RABEP1: variants seen among roughly 807,000 people sequenced by gnomAD.
RABEP1 encodes the protein rabaptin, RAB GTPase binding effector protein 1.
A neutral mutation model predicts 123.4 loss-of-function variants in RABEP1; 51 were observed. The ratio of observed to expected loss-of-function variants is 0.41; its 90% CI spans 0.33 to 0.52. The LOEUF (loss-of-function observed/expected upper bound fraction) is 0.52. RABEP1 is among the 20% of genes least tolerant of loss of function. The pLI, the probability that RABEP1 is intolerant of heterozygous loss-of-function variation, is 0.16. For missense variants in RABEP1, 888 were observed against 996.3 expected (o/e 0.89, Z 1.46); for synonymous variants, 347 against 355.2 (o/e 0.98, Z 0.26).
chr17:5,343,944 G>A (rs1256029441), intron 5 of RABEP1, among the ~76,000 whole-genome samples: 1 of 151,844 alleles, frequency 6.6e-6, no homozygotes, highest in Non-Finnish European at 1.5e-5. Context: ...CCAAAGTGCT[G>A]GGATTACAGG....
chr17:5,302,730 G>A (rs2075146984), intron 1 of RABEP1, among the ~76,000 whole-genome samples: 1 of 149,602 alleles, frequency 6.7e-6, no homozygotes, highest in South Asian at 2.1e-4. Flanking sequence ...ATCTCACTCT[G>A]TTGCCCAGGC....
At chr17:5,331,848 T>C in intron 2 of RABEP1, 101 bp from the exon 3 acceptor site, 2 of 1,048,646 alleles carry the variant, frequency 1.9e-6, no homozygotes, top group South Asian at 3.2e-5. Context: ...GGGTGTCATT[T>C]TGTATGTTTA....
intron 2 of RABEP1, among the ~76,000 whole-genome samples, chr17:5,316,649 G>A (rs1350750041): frequency 4.0e-5 from 6 of 150,774 alleles, no homozygotes; most frequent in Non-Finnish European, 5.9e-5. Context: ...CCTGGCCATC[G>A]TGGTGAAACC....
intron 1 of RABEP1, among the ~76,000 whole-genome samples, chr17:5,307,969 G>A (rs1018659655): frequency 1.3e-5 from 2 of 152,138 alleles, no homozygotes; most frequent in Admixed American, 6.6e-5. Flanking sequence ...ACACTAGTTA[G>A]GGAACCTATT....
At chr17:5,307,055 A>G (rs1206826013) in intron 1 of RABEP1, among the ~76,000 whole-genome samples, 1 of 152,214 alleles carries the variant, frequency 6.6e-6, no homozygotes, top group African/African-American at 2.4e-5. Context: ...GCGGTGGCTT[A>G]TGCCTGTAAT....
At chr17:5,339,002 T>G (rs1415181086) in intron 5 of RABEP1, among the ~76,000 whole-genome samples, 1 of 151,812 alleles carries the variant, frequency 6.6e-6, no homozygotes, top group Admixed American at 6.6e-5. Context: ...TACAAAAATT[T>G]TTTAAAAAGC....
intron 2 of RABEP1, among the ~76,000 whole-genome samples, chr17:5,309,089 AC>A (rs1347471430): frequency 6.6e-6 from 1 of 152,208 alleles, no homozygotes; most frequent in Non-Finnish European, 1.5e-5. Context: ...ATTGCTCTTA[AC>A]ATTTGGGATA....
chr17:5,308,187 A>G (rs925048142), intron 1 of RABEP1, among the ~76,000 whole-genome samples: 2 of 151,192 alleles, frequency 1.3e-5, no homozygotes, highest in East Asian at 1.9e-4. Context: ...TTCACTTTAC[A>G]TGACTCATTT....
At chr17:5,285,682 A>G (rs1269385614) in intron 1 of RABEP1, among the ~76,000 whole-genome samples, 1 of 152,204 alleles carries the variant, frequency 6.6e-6, no homozygotes, top group Non-Finnish European at 1.5e-5. Flanking sequence ...ACTATTGAAT[A>G]TTACTGCTTC....
intron 1 of RABEP1, among the ~76,000 whole-genome samples, chr17:5,288,556 C>T (rs1029369201): frequency 1.3e-5 from 2 of 150,902 alleles, no homozygotes; most frequent in African/African-American, 2.4e-5. Context: ...CTGCCATGCT[C>T]GGCTAATTTT....
At position 5,314,935 on chromosome 17, in the gene RABEP1, T is replaced by C. The variant is rs12162105; in HGVS notation, c.163+6113T>C. Among the ~76,000 whole-genome samples, 1,129 of 152,320 alleles carry C rather than the reference T, an allele frequency of 7.4e-3. 67 individuals are homozygous for C. In the East Asian group the frequency reaches 0.14, roughly 19 times the overall value. On this transcript the variant is annotated intron_variant, in intron 2 of 17. Coordinates refer to ENST00000537505, the MANE Select transcript of RABEP1 (RefSeq NM_004703.6). ...TTATGTTTTGTGCTTTGGAAATTTG[T>C]AGTGTTGGCAATGAGTAAGAGACGG... is the stretch of plus-strand genomic sequence containing the variant.
chr17:5,344,385 C>T (rs141266100), intron 5 of RABEP1, among the ~76,000 whole-genome samples: 78 of 151,760 alleles, frequency 5.1e-4, no homozygotes, highest in African/African-American at 1.7e-3. Flanking sequence ...CTGCAGTGAG[C>T]GTAGGTTGTG....
chr17:5,386,305 T>A lies in RABEP1; in HGVS notation c.*3082T>A. ...GTAAAGTCACTCACTTTTGGAATTA[T>A]AATAAACCATTTATATGGATTCTTA... On this transcript the variant is annotated 3_prime_UTR_variant, in exon 18 of 18. Coordinates refer to ENST00000537505, the MANE Select transcript of RABEP1 (RefSeq NM_004703.6). 1 of 1,459,428 alleles carries A rather than the reference T, an allele frequency of 6.9e-7. No homozygotes were observed. Among genetic ancestry groups the A allele is most frequent in the East Asian group, 2.3e-5 (1 of 43,782 alleles). 90.4% of individuals were successfully genotyped at this position (1,459,428 alleles called of 1,614,324 possible).
At chr17:5,350,297 G>A (rs1042150760) in intron 6 of RABEP1, among the ~76,000 whole-genome samples, 154 bp from the exon 7 acceptor site, 4 of 151,972 alleles carry the variant, frequency 2.6e-5, no homozygotes, top group East Asian at 1.9e-4. Context: ...GGAGAATGGC[G>A]TGAACCCGGG....
intron 11 of RABEP1, among the ~76,000 whole-genome samples, chr17:5,367,459 CG>C: frequency 6.6e-6 from 1 of 151,506 alleles, no homozygotes; most frequent in East Asian, 2.0e-4. Context: ...TTAGTAGAGA[CG>C]GGGTTTCACC....
chr17:5,325,853 A>C (rs781128280), intron 2 of RABEP1, among the ~76,000 whole-genome samples: 10 of 152,208 alleles, frequency 6.6e-5, no homozygotes, highest in Non-Finnish European at 1.2e-4. Flanking sequence ...ATAAAATGCA[A>C]CAGTAACAAA....
chr17:5,308,126 C>CT (rs560778913), intron 1 of RABEP1, among the ~76,000 whole-genome samples: 25 of 151,394 alleles, frequency 1.7e-4, no homozygotes, highest in East Asian at 7.7e-4. Flanking sequence ...TTTAGAAGCT[C>CT]TTTTTTTTGT....
chr17:5,285,315 T>C (rs2144424274), intron 1 of RABEP1, among the ~76,000 whole-genome samples: 1 of 152,058 alleles, frequency 6.6e-6, no homozygotes, highest in South Asian at 2.1e-4. Context: ...TTTTTTTCTT[T>C]TGTAGAGAGG....
intron 16 of RABEP1, 116 bp downstream of exon 16, chr17:5,380,578 G>A (rs1333894114): frequency 2.2e-6 from 2 of 893,240 alleles, no homozygotes; most frequent in East Asian, 5.4e-5. Context: ...TAAAAAGTTG[G>A]CAAAACTGAC....
Sources: gnomAD v4.1 joint callset for allele counts (sites outside exome capture counted in the v4.1 genomes callset) on GRCh38, gnomAD v4.1.1 for gene constraint, MANE v1.5 for transcripts, NCBI Gene and HGNC (gene_info 2026-07-23, HGNC 2026-07-21) for gene names.